The following FAM167A variants were observed in gnomAD, a reference collection of about 807,000 sequenced individuals.
FAM167A encodes the protein protein FAM167A.
In FAM167A, 23 loss-of-function variants were observed where a neutral mutation model predicts 14.9. That is an observed-to-expected ratio of 1.55 (90% CI 1.11 to 2.19). The LOEUF is 2.19. Among genes scored for constraint, FAM167A ranks in the 30% most tolerant of loss-of-function variants. The pLI, the probability that FAM167A is intolerant of heterozygous loss-of-function variation, is 0.00. For missense variants in FAM167A, 401 were observed against 281.5 expected (o/e 1.42, Z -3.04); for synonymous variants, 174 against 117.7 (o/e 1.48, Z -3.10).
chr8:11,444,624 G>T lies in FAM167A; in HGVS notation c.-213C>A, dbSNP rs947336165. On this transcript the variant is annotated 5_prime_UTR_variant, in exon 2 of 3. Coordinates refer to ENST00000284486, the MANE Select transcript of FAM167A (RefSeq NM_053279.3). Reference sequence around the variant, plus strand: ...ACAGGGCGCCCTCCTGGAGGCTCGGGTCTATGATCCGTCCTGGAAGCCTGT... The same window carrying T: ...ACAGGGCGCCCTCCTGGAGGCTCGGTTCTATGATCCGTCCTGGAAGCCTGT... The T allele has an allele frequency of 1.9e-5, 26 of 1,367,972 alleles. No homozygotes were observed. The highest frequency in any genetic ancestry group is 2.2e-5 in the Non-Finnish European group (24 of 1,066,694). The allele number at this position is 1,367,972 out of a possible 1,614,324, so 84.7% of individuals were successfully genotyped here.
chr8:11,445,596 G>C, intron 1 of FAM167A: 2 of 985,504 alleles, frequency 2.0e-6, no homozygotes, highest in Non-Finnish European at 2.4e-6. Flanking sequence ...TTCAGCTATG[G>C]GATCTGATGT....
At chr8:11,445,827 A>G (rs77865852) in intron 1 of FAM167A, among the ~76,000 whole-genome samples, 23,299 of 151,982 alleles carry the variant, frequency 0.15, 2,129 homozygotes, top group Non-Finnish European at 0.21. Context: ...GTTTTAAAAA[A>G]AAAAATCTGT....
chr8:11,425,083 C>T (rs527244219), intron 2 of FAM167A, among the ~76,000 whole-genome samples: 13 of 152,258 alleles, frequency 8.5e-5, no homozygotes, highest in East Asian at 7.7e-4. Flanking sequence ...TTCTTTCTTA[C>T]GCTGGGGAGT....
intron 1 of FAM167A, among the ~76,000 whole-genome samples, chr8:11,447,639 G>T (rs993061461): frequency 6.6e-6 from 1 of 152,196 alleles, no homozygotes; most frequent in Non-Finnish European, 1.5e-5. Context: ...CAGGTGAAGT[G>T]CCTCACCTCC....
At chr8:11,473,765 T>C (rs574982988) in intron 1 of FAM167A, among the ~76,000 whole-genome samples, 21 of 152,342 alleles carry the variant, frequency 1.4e-4, no homozygotes, top group Non-Finnish European at 1.3e-4. Context: ...TGAAGTTCAC[T>C]GTGAGGATTA....
intron 2 of FAM167A, among the ~76,000 whole-genome samples, chr8:11,433,004 A>C (rs543725298): frequency 6.6e-5 from 10 of 152,264 alleles, no homozygotes; most frequent in African/African-American, 2.2e-4. Flanking sequence ...CATAAGTAGG[A>C]GTTGAACAAT....
chr8:11,440,777 T>C (rs1806389635), intron 2 of FAM167A, among the ~76,000 whole-genome samples: 1 of 152,250 alleles, frequency 6.6e-6, no homozygotes, highest in Non-Finnish European at 1.5e-5. Flanking sequence ...AGGAAGGGCT[T>C]GCCCAGGTGT....
intron 1 of FAM167A, among the ~76,000 whole-genome samples, chr8:11,464,379 C>T (rs1585283285): frequency 6.6e-6 from 1 of 152,182 alleles, no homozygotes; most frequent in African/African-American, 2.4e-5. Flanking sequence ...CAGGTGATTG[C>T]AGAGCCAGTG....
chr8:11,463,382 G>A (rs1807618103), intron 1 of FAM167A, among the ~76,000 whole-genome samples: 1 of 152,180 alleles, frequency 6.6e-6, no homozygotes, highest in Admixed American at 6.5e-5. Flanking sequence ...TGGGGGCCAG[G>A]TCCCTAAGGC....
intron 1 of FAM167A, among the ~76,000 whole-genome samples, chr8:11,449,091 G>A (rs1435437627): frequency 6.6e-6 from 1 of 152,228 alleles, no homozygotes; most frequent in Non-Finnish European, 1.5e-5. Flanking sequence ...GTGAGGAGCT[G>A]CTGCAGGAAT....
chr8:11,458,442 C>T (rs1807415090), intron 1 of FAM167A, among the ~76,000 whole-genome samples: 1 of 152,124 alleles, frequency 6.6e-6, no homozygotes, highest in Non-Finnish European at 1.5e-5. Context: ...TCCAGCATCC[C>T]TTCTGTGGGC....
rs1022062195 is a variant in FAM167A at position 11,424,559 on chromosome 8, G to A, written c.459C>T (p.Ile153=). 7.4e-6 allele frequency: 12 copies of A among 1,614,056 alleles called. No individual in the cohort carries two copies. Among genetic ancestry groups the A allele is most frequent in the South Asian group, 3.3e-5 (3 of 91,080 alleles). ...TCCTGTGGAGGCGGCAGGTGTGTTC[G>A]ATTTTCAGCTTGTTGATGTCGCCAC... ...RLRGDINKLK[I]EHTCRLHRRM... Residue 153 remains isoleucine (I), a synonymous_variant, in exon 3 of 3, where the codon ATC becomes ATT. Coordinates refer to ENST00000284486, the MANE Select transcript of FAM167A (RefSeq NM_053279.3).
chr8:11,426,848 TA>T (rs2116988398), intron 2 of FAM167A, among the ~76,000 whole-genome samples: 1 of 152,326 alleles, frequency 6.6e-6, no homozygotes, highest in East Asian at 1.9e-4. Flanking sequence ...TCTGCATTTT[TA>T]TAGAAGATAA....
In FAM167A at chr8:11,421,690, C is replaced by T. The variant is rs1430127090; in HGVS notation, c.*2683G>A. On this transcript the variant is annotated 3_prime_UTR_variant, in exon 3 of 3. Coordinates refer to ENST00000284486, the MANE Select transcript of FAM167A (RefSeq NM_053279.3). ...AGGCCTCTTTGATAGCTACTGAGCC[C>T]CTGAAGGCATCAAGACATGACCACG... is the stretch of plus-strand genomic sequence containing the variant. 1.5e-5 allele frequency: 6 copies of T among 398,796 alleles called. No individual in the cohort carries two copies. Among genetic ancestry groups the T allele is most frequent in the Non-Finnish European group, 2.7e-5 (6 of 226,072 alleles). The allele number at this position is 398,796 out of a possible 1,614,324, so 24.7% of individuals were successfully genotyped here.
intron 2 of FAM167A, chr8:11,434,929 G>T (rs1433666475): frequency 1.7e-5 from 7 of 421,642 alleles, no homozygotes; most frequent in African/African-American, 4.0e-5. Context: ...TGCTGGCTGG[G>T]TGAGGACAGG....
intron 1 of FAM167A, among the ~76,000 whole-genome samples, chr8:11,455,775 GTGGTTGCCCTGCTGGGGTT>G: frequency 6.8e-6 from 1 of 147,946 alleles, no homozygotes; most frequent in Admixed American, 6.7e-5. Flanking sequence ...TGTATTGGGG[GTGGTTGCCCTGCTGGGGTT>G]GTGTGAGTGT....
intron 1 of FAM167A, among the ~76,000 whole-genome samples, chr8:11,462,604 G>A (rs185156843): frequency 8.0e-5 from 12 of 150,174 alleles, no homozygotes; most frequent in Admixed American, 7.9e-4. Flanking sequence ...CAGACTGCAC[G>A]CTCCCTGAGG....
chr8:11,431,991 G>C (rs1407875804), intron 2 of FAM167A, among the ~76,000 whole-genome samples: 1 of 150,810 alleles, frequency 6.6e-6, no homozygotes, highest in East Asian at 1.9e-4. Context: ...GTTTCATGCT[G>C]TCCCTGGCAA....
intron 1 of FAM167A, chr8:11,445,658 C>T (rs1806743370): frequency 2.1e-6 from 2 of 968,662 alleles, no homozygotes; most frequent in African/African-American, 1.8e-5. Context: ...TACCCCATAA[C>T]ATCAGACACA....
Sources: gnomAD v4.1 joint callset for allele counts (sites outside exome capture counted in the v4.1 genomes callset) on GRCh38, gnomAD v4.1.1 for gene constraint, MANE v1.5 for transcripts, NCBI Gene and HGNC (gene_info 2026-07-23, HGNC 2026-07-21) for gene names.